Variants in RCC2 observed in about 807,000 individuals in gnomAD.
RCC2 encodes regulator of chromosome condensation 2.
RCC2 carries 19 observed loss-of-function variants against 64.1 expected under a neutral mutation model. The observed-to-expected ratio is 0.30, with a 90% CI of 0.21 to 0.44. The LOEUF is 0.44. Among genes scored for constraint, RCC2 ranks in the 20% least tolerant of loss-of-function variants. The pLI, the probability that RCC2 is intolerant of heterozygous loss-of-function variation, is 1.00. For synonymous variants in RCC2, 325 were observed against 279.6 expected (o/e 1.16, Z -1.62); for missense variants, 508 against 710.4 (o/e 0.72, Z 3.24).
chr1:17,437,889 C>CG lies in RCC2; in HGVS notation c.285+340dup, dbSNP rs535883916. On this transcript the variant is annotated intron_variant, in intron 2 of 12. Transcript: ENST00000375436. ...CTTACCGAGGTCCCCTTTCCCGGGG[C>CG]GGGGGGGGAGGGGCGCAGAGGGAGC... is the stretch of plus-strand genomic sequence containing the variant. 2.2e-3 allele frequency among the ~76,000 whole-genome samples: 294 copies of CG among 135,188 alleles called. 1 individual carries two copies. The highest frequency in any genetic ancestry group is 6.9e-3 in the South Asian group (28 of 4,076). The allele number at this position is 135,188 out of a possible 152,430, so 88.7% of individuals were successfully genotyped here.
intron 2 of RCC2, among the ~76,000 whole-genome samples, chr1:17,432,999 T>G (rs766037386): frequency 1.3e-5 from 2 of 151,980 alleles, no homozygotes; most frequent in Non-Finnish European, 2.9e-5. Context: ...AATATATATA[T>G]ACACTCACAC....
In RCC2 at chr1:17,407,423, T is replaced by G. The variant is rs1225629220; in HGVS notation, c.*1667A>C. 6.6e-5 allele frequency: 10 copies of G among 152,114 alleles called. No homozygotes were observed. Among genetic ancestry groups the G allele is most frequent in the African/African-American group, 2.4e-4 (10 of 41,412 alleles). The allele number at this position is 152,114 out of a possible 1,614,324, so 9.4% of individuals were successfully genotyped here. A position where few individuals can be genotyped will look rare whatever the true frequency, so the allele number is the denominator to read the frequency against. ...TGGTTTTGGGGTGATTTGGACAAAT[T>G]AGGTTAGTTTAGCAAAGCTCTGAAG... On this transcript the variant is annotated 3_prime_UTR_variant, in exon 13 of 13. Transcript: ENST00000375436.
Position 17,408,912 on chromosome 1 carries a change from G to GA in RCC2, c.*177dup. 3 of 555,792 alleles carry GA rather than the reference G, an allele frequency of 5.4e-6. No homozygotes were observed. The highest frequency in any genetic ancestry group is 6.5e-6 in the Non-Finnish European group (2 of 308,334). The allele number at this position is 555,792 out of a possible 1,614,324, so 34.4% of individuals were successfully genotyped here. A position where few individuals can be genotyped will look rare whatever the true frequency, so the allele number is the denominator to read the frequency against. On this transcript the variant is annotated 3_prime_UTR_variant, in exon 13 of 13. Transcript: ENST00000375436. ...AAAAAAGGACTTTGGAAAGCATACA[G>GA]AAAAAAAGGTAGTTAACGTTGGATC...
At chr1:17,410,628 G>T (rs894884208) in intron 11 of RCC2, among the ~76,000 whole-genome samples, 8 of 152,172 alleles carry the variant, frequency 5.3e-5, no homozygotes, top group Non-Finnish European at 1.2e-4. Flanking sequence ...CTGGGCAATT[G>T]AAAGACTGAA....
At chr1:17,434,902 C>T (rs1363270297) in intron 2 of RCC2, among the ~76,000 whole-genome samples, 1 of 152,202 alleles carries the variant, frequency 6.6e-6, no homozygotes, top group Non-Finnish European at 1.5e-5. Context: ...GTCAGGAGTT[C>T]AAGACAGCCT....
chr1:17,413,593 C>G lies in RCC2; in HGVS notation c.1151G>C (p.Arg384Pro). 6.2e-7 allele frequency: 1 copy of G among 1,614,102 alleles called. No individual in the cohort carries two copies. The highest frequency in any genetic ancestry group is 8.5e-7 in the Non-Finnish European group (1 of 1,179,970). The change falls in exon 9 of 13, where the codon CGT becomes CCT. Residue 384 changes from arginine (R) to proline (P), a missense_variant. By Grantham distance (103) the Arg-to-Pro change is moderately radical. Transcript: ENST00000375436. ...ACCAGCATAGATCTGGGAAGCCCCA[C>G]GCCCAGGGAAGTCAAACAGCTTCAC... ...RLVKLFDFPG[R>P]GASQIYAGYT...
chr1:17,411,777 T>G (rs2075429313), intron 11 of RCC2, among the ~76,000 whole-genome samples: 1 of 152,144 alleles, frequency 6.6e-6, no homozygotes, highest in African/African-American at 2.4e-5. Flanking sequence ...CCCACAACTG[T>G]GAGTTTCCCA....
intron 6 of RCC2, among the ~76,000 whole-genome samples, chr1:17,421,585 G>A (rs1268237464): frequency 6.6e-6 from 1 of 152,138 alleles, no homozygotes; most frequent in African/African-American, 2.4e-5. Context: ...GTATTTGGGG[G>A]AAGTACAATT....
chr1:17,411,716 G>A (rs2075428786), intron 11 of RCC2, among the ~76,000 whole-genome samples: 1 of 152,124 alleles, frequency 6.6e-6, no homozygotes. Flanking sequence ...ATTAACAACA[G>A]AAACACAGGT....
chr1:17,425,629 C>A lies in RCC2; in HGVS notation c.435G>T (p.Leu145=). ...NLWGPHRYGC[L]AGVRVRTVVS... ...CCACTGTCCGCACCCGGACCCCCGC[C>A]AGGCACCCATATCTGTGGGGCCCCC... is the stretch of plus-strand genomic sequence containing the variant. The change falls in exon 4 of 13, where the codon CTG becomes CTT. Residue 145 remains leucine, a synonymous_variant. Coordinates refer to ENST00000375436, the MANE Select transcript of RCC2 (RefSeq NM_018715.4). 1 of 1,614,170 alleles carries A rather than the reference C, an allele frequency of 6.2e-7. No individual in the cohort carries two copies. Among genetic ancestry groups the A allele is most frequent in the Non-Finnish European group, 8.5e-7 (1 of 1,180,018 alleles).
chr1:17,437,634 G>C (rs1425011741), intron 2 of RCC2, among the ~76,000 whole-genome samples: 1 of 4,350 alleles, frequency 2.3e-4, no homozygotes, highest in South Asian at 0.1. Context: ...GCACCGCTCA[G>C]CCGGGGGGCT....
intron 8 of RCC2, 59 bp downstream of exon 8, chr1:17,416,421 C>A: frequency 6.5e-7 from 1 of 1,538,390 alleles, no homozygotes. Context: ...GAAACTTGAG[C>A]ATAAACACCC....
intron 3 of RCC2, among the ~76,000 whole-genome samples, chr1:17,426,191 C>T (rs1367952879): frequency 6.6e-6 from 1 of 152,178 alleles, no homozygotes; most frequent in African/African-American, 2.4e-5. Flanking sequence ...CTCTCCTGCC[C>T]TCCATCTCCG....
At chr1:17,429,248 T>A in intron 2 of RCC2, 49 bp from the exon 3 acceptor site, 1 of 1,461,688 alleles carries the variant, frequency 6.8e-7, no homozygotes. Context: ...AGTCTGCACC[T>A]AGCTTTCCAA....
At position 17,422,654 on chromosome 1, in the gene RCC2, C is replaced by T. The variant is rs2075568040; in HGVS notation, c.655+51G>A. On this transcript the variant is annotated intron_variant, in intron 5 of 12. Coordinates refer to ENST00000375436, the MANE Select transcript of RCC2 (RefSeq NM_018715.4). ...CCCACGCCCCATCCCCAAGGCAGAC[C>T]ACCTGGCCTCTTGCCAAACTGAGAG... 3.7e-6 allele frequency: 6 copies of T among 1,606,910 alleles called. No homozygotes were observed. In the East Asian group the frequency reaches 1.3e-4, roughly 36 times the overall value.
intron 2 of RCC2, among the ~76,000 whole-genome samples, chr1:17,430,859 G>C (rs1423973820): frequency 6.6e-6 from 1 of 151,876 alleles, no homozygotes; most frequent in Admixed American, 6.5e-5. Context: ...CTCCCAAGTA[G>C]CTGGGATTAC....
chr1:17,434,745 C>CCGGTGTGTGCTGCAGAACTGATTG (rs2075718266), intron 2 of RCC2, among the ~76,000 whole-genome samples: 1 of 152,190 alleles, frequency 6.6e-6, no homozygotes, highest in Non-Finnish European at 1.5e-5. Flanking sequence ...GGACACCCAG[C>CCGGTGTGTGCTGCAGAACTGATTG]CGGTGTGTGC....
At chr1:17,425,467 A>C (rs77468367) in intron 4 of RCC2, 74 bp downstream of exon 4, 58,323 of 1,427,434 alleles carry the variant, frequency 0.041, 1,361 homozygotes, top group Non-Finnish European at 0.048. Flanking sequence ...TTTTCCAGGC[A>C]AACAGAAGAA....
intron 6 of RCC2, among the ~76,000 whole-genome samples, chr1:17,421,936 A>C (rs2075560707): frequency 1.3e-5 from 2 of 152,128 alleles, no homozygotes; most frequent in African/African-American, 4.8e-5. Flanking sequence ...GAGGCCGGGG[A>C]ATCACTTGAA....
Sources: allele counts gnomAD v4.1 joint callset (sites outside exome capture counted in the v4.1 genomes callset), GRCh38; gene constraint gnomAD v4.1.1; transcripts MANE v1.5; gene names NCBI Gene and HGNC (gene_info 2026-07-23, HGNC 2026-07-21).